Variants in MAP4K4 observed in about 807,000 individuals in gnomAD.
MAP4K4 encodes the protein mitogen-activated protein kinase kinase kinase kinase 4.
A neutral mutation model predicts 189.6 loss-of-function variants in MAP4K4; 38 were observed. The observed-to-expected ratio is 0.20, with a 90% confidence interval of 0.15 to 0.26. MAP4K4 has a LOEUF of 0.26. Ranked by LOEUF, MAP4K4 falls within the 10% of genes least tolerant of loss-of-function variation. The probability of loss-of-function intolerance (pLI) is 1.00; values close to 1 mark genes in which losing one functional copy is unlikely to be tolerated. For synonymous variants in MAP4K4, 610 were observed against 624.3 expected, an observed-to-expected ratio of 0.98 and a Z score of 0.34; for missense variants, 1,054 against 1,726.9, an observed-to-expected ratio of 0.61 and a Z score of 6.91.
At chr2:101,856,487 T>A (rs114661320) in intron 13 of MAP4K4, among the ~76,000 whole-genome samples, 514 of 149,996 alleles carry the variant, frequency 3.4e-3, no homozygotes, top group Middle Eastern at 0.01. Context: ...AATTAACTTT[T>A]AAAAAAAAAA....
At chr2:101,839,056 A>C (rs2096844762) in intron 9 of MAP4K4, among the ~76,000 whole-genome samples, 1 of 152,230 alleles carries the variant, frequency 6.6e-6, no homozygotes, top group South Asian at 2.1e-4. Flanking sequence ...AATTGGGGAC[A>C]CATAGGACAG....
chr2:101,784,632 A>G (rs915906844), intron 2 of MAP4K4, among the ~76,000 whole-genome samples: 3 of 152,176 alleles, frequency 2.0e-5, no homozygotes, highest in African/African-American at 7.2e-5. Flanking sequence ...ACATGCCTTC[A>G]TGTTCCCTAA....
At chr2:101,824,199 T>C in intron 4 of MAP4K4, 146 bp downstream of exon 4, 1 of 766,728 alleles carries the variant, frequency 1.3e-6, no homozygotes, top group Non-Finnish European at 2.0e-6. Context: ...AAGGCTTCCT[T>C]GGCTTGTATC....
chr2:101,702,573 A>AAAAAG (rs981645200), intron 2 of MAP4K4, among the ~76,000 whole-genome samples: 1 of 152,202 alleles, frequency 6.6e-6, no homozygotes, highest in South Asian at 2.1e-4. Context: ...CTGTCTCAAA[A>AAAAAG]AAAAGAAAAG....
chr2:101,873,892 A>G (rs998302117), intron 25 of MAP4K4, 128 bp downstream of exon 25: 3 of 792,758 alleles, frequency 3.8e-6, no homozygotes, highest in Non-Finnish European at 6.0e-6. Context: ...TTCCCATCCC[A>G]GTTGTATGCC....
intron 9 of MAP4K4, among the ~76,000 whole-genome samples, chr2:101,837,951 G>C (rs1318155538): frequency 6.6e-6 from 1 of 152,168 alleles, no homozygotes; most frequent in East Asian, 1.9e-4. Flanking sequence ...TTATATCCCT[G>C]TTCTAATGTT....
intron 2 of MAP4K4, among the ~76,000 whole-genome samples, chr2:101,731,351 G>A (rs2058399114): frequency 6.6e-6 from 1 of 151,802 alleles, no homozygotes; most frequent in African/African-American, 2.4e-5. Context: ...TCCTGACCTA[G>A]GTGATCCGCC....
At chr2:101,718,040 T>G (rs1218127580) in intron 2 of MAP4K4, among the ~76,000 whole-genome samples, 2 of 151,986 alleles carry the variant, frequency 1.3e-5, no homozygotes, top group Non-Finnish European at 2.9e-5. Flanking sequence ...GCAGATCACC[T>G]GAGGTCAGGA....
Position 101,777,916 on chromosome 2 carries a change from G to A in MAP4K4, c.124-12804G>A, listed in dbSNP as rs369702773. Among the ~76,000 whole-genome samples, 199 of 152,326 alleles carry A rather than the reference G, an allele frequency of 1.3e-3. 1 individual carries two copies. Among genetic ancestry groups the A allele is most frequent in the African/African-American group, 4.5e-3 (186 of 41,560 alleles). On this transcript the variant is annotated intron_variant, in intron 2 of 32. Transcript: ENST00000324219. The stretch of plus-strand genomic sequence containing the variant: ...TCAGGTTCTTCAGTTTAGTGGCAGA[G>A]CAGTTGACTCAGATGATCAGAATTT...
In MAP4K4 at chr2:101,805,368, A is replaced by G. The variant is rs114666476; in HGVS notation, c.180+14592A>G. On this transcript the variant is annotated intron_variant, in intron 3 of 32. Transcript: ENST00000324219. The stretch of plus-strand genomic sequence containing the variant: ...CTTGATATAAATGGAACCATACGGT[A>G]CTCTGTGTCTGGCTTCTTTCAGTTA... Among the ~76,000 whole-genome samples, 722 of 152,168 alleles carry G rather than the reference A, an allele frequency of 4.7e-3. 5 individuals carry two copies. The highest frequency in any genetic ancestry group is 0.017 in the African/African-American group (690 of 41,516).
At chr2:101,707,213 T>C (rs1478627441) in intron 2 of MAP4K4, among the ~76,000 whole-genome samples, 2 of 127,238 alleles carry the variant, frequency 1.6e-5, no homozygotes, top group Admixed American at 7.8e-5. Flanking sequence ...TTATTTTATC[T>C]TTTTTTTTTT....
rs142509590 is a variant in MAP4K4, at chr2:101,823,775, G to A, written c.181-153G>A. Among the ~76,000 whole-genome samples the A allele has an allele frequency of 1.9e-4, 29 of 152,258 alleles. No individual in the cohort carries two copies. In the East Asian group the frequency reaches 5.4e-3, roughly 28 times the overall value. ...AAAGGATGAGTCCTCTAAGGTTCCTGTTCTTGGCACAAGGATAAAGTGAAT... is the reference window on the plus strand; with the variant it reads ...AAAGGATGAGTCCTCTAAGGTTCCTATTCTTGGCACAAGGATAAAGTGAAT... On this transcript the variant is annotated intron_variant, in intron 3 of 32. Coordinates refer to ENST00000324219, the Ensembl canonical transcript of MAP4K4.
intron 2 of MAP4K4, among the ~76,000 whole-genome samples, chr2:101,770,886 A>G (rs1482594680): frequency 6.6e-6 from 1 of 152,166 alleles, no homozygotes; most frequent in Non-Finnish European, 1.5e-5. Flanking sequence ...CAGAATCTAG[A>G]TGAATGTGGT....
intron 2 of MAP4K4, among the ~76,000 whole-genome samples, chr2:101,720,945 A>G (rs932565647): frequency 2.6e-5 from 4 of 152,292 alleles, no homozygotes; most frequent in East Asian, 3.9e-4. Context: ...CATTTTTCCT[A>G]TGAGTCACAT....
chr2:101,716,316 G>A (rs975832023), intron 2 of MAP4K4, among the ~76,000 whole-genome samples: 1 of 152,190 alleles, frequency 6.6e-6, no homozygotes, highest in Non-Finnish European at 1.5e-5. Context: ...GGTGGCAGGT[G>A]CCTGTAGTCC....
In MAP4K4 at chr2:101,826,054, G is replaced by A. The variant is rs1576325504; in HGVS notation, c.417+625G>A. On this transcript the variant is annotated intron_variant, in intron 5 of 32. Transcript: ENST00000324219. ...ATTTCGTATTTGAGCAGTGCATGTA[G>A]GATATTACCAGTGAGTCTCTTCATT... Among the ~76,000 whole-genome samples, 3 of 152,176 alleles carry A rather than the reference G, an allele frequency of 2.0e-5. No individual in the cohort carries two copies. In the East Asian group the frequency reaches 5.8e-4, roughly 29 times the overall value.
In MAP4K4 at chr2:101,834,476, C is replaced by A. The variant is rs967810442; in HGVS notation, c.694+13C>A. ...GAAGGTGCTCCCCGTAAGTAACTTT[C>A]TTTTCTTTTTAGCTCACTTGTTACA... On this transcript the variant is annotated intron_variant, in intron 8 of 32. Transcript: ENST00000324219. 4.4e-6 allele frequency: 7 copies of A among 1,600,354 alleles called. No homozygotes were observed. The highest frequency in any genetic ancestry group is 1.1e-5 in the South Asian group (1 of 88,754).
intron 6 of MAP4K4, 35 bp downstream of exon 6, chr2:101,829,629 G>A (rs1232553286): frequency 1.4e-6 from 2 of 1,466,574 alleles, no homozygotes; most frequent in Middle Eastern, 1.7e-4. Context: ...TCTCATAATT[G>A]CACCTGGCAC....
intron 2 of MAP4K4, among the ~76,000 whole-genome samples, chr2:101,743,144 A>T (rs1002292764): frequency 5.9e-5 from 9 of 152,166 alleles, no homozygotes; most frequent in African/African-American, 2.2e-4. Context: ...AAGGTAGGTT[A>T]ACCACATGTT....
Sources: allele counts gnomAD v4.1 joint callset (sites outside exome capture counted in the v4.1 genomes callset), GRCh38; gene constraint gnomAD v4.1.1; transcripts MANE v1.5; gene names NCBI Gene and HGNC (gene_info 2026-07-23, HGNC 2026-07-21).